Variants in OSBPL3 observed in about 807,000 individuals in gnomAD.
OSBPL3 encodes oxysterol binding protein like 3.
Under a neutral mutation model 120.1 loss-of-function variants are expected in OSBPL3, and 65 were observed. The ratio of observed to expected loss-of-function variants is 0.54; its 90% CI spans 0.44 to 0.67. The LOEUF (loss-of-function observed/expected upper bound fraction) is 0.67. Ranked by LOEUF, OSBPL3 falls within the 30% of genes least tolerant of loss-of-function variation. The pLI, the probability that OSBPL3 is intolerant of heterozygous loss-of-function variation, is 0.00. For synonymous variants in OSBPL3, 416 were observed against 402.6 expected (o/e 1.03, Z -0.40); for missense variants, 1,004 against 1,082.1 (o/e 0.93, Z 1.01).
At chr7:24,814,887 C>A (rs1794279512) in intron 19 of OSBPL3, among the ~76,000 whole-genome samples, 172 bp downstream of exon 19, 1 of 152,182 alleles carries the variant, frequency 6.6e-6, no homozygotes, top group Non-Finnish European at 1.5e-5. Flanking sequence ...CCAGGAGGGG[C>A]CATTGCCCTG....
rs1451354826 is a variant in OSBPL3 at position 24,822,498 on chromosome 7, C to CA, written c.1885-2261dup. Among the ~76,000 whole-genome samples, 1 of 152,140 alleles carries CA rather than the reference C, an allele frequency of 6.6e-6. No homozygotes were observed. On this transcript the variant is annotated intron_variant, in intron 16 of 22. Transcript: ENST00000313367. This position sits in a 1 kb window ranked among gnomAD's most constrained non-coding sequence, Gnocchi z 5.8. ...CTCCCCACTTCTCCACCCCAGCTGG[C>CA]ATGACCCACTATGAAATGGAAGGAA...
upstream of OSBPL3, among the ~76,000 whole-genome samples, chr7:24,980,871 G>A (rs1563037567): frequency 1.3e-5 from 2 of 152,068 alleles, no homozygotes; most frequent in Admixed American, 1.3e-4. Context: ...AAATCTCCCT[G>A]AAAGACGGAA....
Position 24,813,163 on chromosome 7 carries a change from G to A in OSBPL3, c.2172+1896C>T. ...CAAAGTGCTGGGATTACAGGTGTGA[G>A]CCATGGCACCCGGGCTCTTAAGTTT... On this transcript the variant is annotated intron_variant, in intron 19 of 22. Transcript: ENST00000313367. The surrounding 1 kb of genome is among the most constrained non-coding windows in gnomAD (Gnocchi z 4.5). 6.6e-6 allele frequency among the ~76,000 whole-genome samples: 1 copy of A among 152,192 alleles called. No homozygotes were observed. Among genetic ancestry groups the A allele is most frequent in the East Asian group, 1.9e-4 (1 of 5,198 alleles).
chr7:24,872,989 T>C lies in OSBPL3; in HGVS notation c.97-920A>G, dbSNP rs980349261. 1.4e-4 allele frequency among the ~76,000 whole-genome samples: 22 copies of C among 152,192 alleles called. No homozygotes were observed. The highest frequency in any genetic ancestry group is 5.3e-4 in the African/African-American group (22 of 41,438). On this transcript the variant is annotated intron_variant, in intron 2 of 22. Transcript: ENST00000313367. This position sits in a 1 kb window ranked among gnomAD's most constrained non-coding sequence, Gnocchi z 4.1. ...TGGGGTACAATATACATGAAATGCA[T>C]GAATCTTAAGAGTATGCCTTGATAA... is the stretch of plus-strand genomic sequence containing the variant.
At chr7:24,901,747 C>T (rs954370838) in intron 1 of OSBPL3, among the ~76,000 whole-genome samples, 1 of 152,180 alleles carries the variant, frequency 6.6e-6, no homozygotes, top group African/African-American at 2.4e-5. Flanking sequence ...TGACAAGGTG[C>T]TTCTGGGCTG....
chr7:24,976,278 A>G (rs1250909194), intron 1 of OSBPL3, among the ~76,000 whole-genome samples: 3 of 152,238 alleles, frequency 2.0e-5, no homozygotes, highest in Non-Finnish European at 2.9e-5. Context: ...TACTACTGTT[A>G]TTAATGTTAT....
rs1165907188 is a variant in OSBPL3 at position 24,953,001 on chromosome 7, G to A, written c.-150+26885C>T. On this transcript the variant is annotated intron_variant, in intron 1 of 22. Coordinates refer to ENST00000313367, the MANE Select transcript of OSBPL3 (RefSeq NM_015550.4). This position sits in a 1 kb window ranked among gnomAD's most constrained non-coding sequence, Gnocchi z 4.3. Reference sequence around the variant, plus strand: ...AAAATCTAAAAATTAGCCAGGCATGGTGGTGCATGCTTGTAGTCCCACCTA... The same window carrying A: ...AAAATCTAAAAATTAGCCAGGCATGATGGTGCATGCTTGTAGTCCCACCTA... Among the ~76,000 whole-genome samples the A allele has an allele frequency of 1.3e-5, 2 of 152,120 alleles. No homozygotes were observed. Among genetic ancestry groups the A allele is most frequent in the Non-Finnish European group, 2.9e-5 (2 of 68,026 alleles).
At chr7:24,864,001 T>C (rs964243377) in intron 7 of OSBPL3, among the ~76,000 whole-genome samples, 1 of 152,216 alleles carries the variant, frequency 6.6e-6, no homozygotes, top group African/African-American at 2.4e-5. Context: ...ACCATCATCA[T>C]CATCATCATC....
rs970893777 is a variant in OSBPL3 at position 24,849,193 on chromosome 7, T to C, written c.1159-17A>G. 7.0e-6 allele frequency: 11 copies of C among 1,581,370 alleles called. No homozygotes were observed. In the Admixed American group the frequency reaches 8.4e-5, roughly 12 times the overall value. ...TGCTAGGGCCTGGAACATGTTAAAA[T>C]AGTGGGGCTCTGTTAATAAATGGAT... On this transcript the variant is annotated splice_polypyrimidine_tract_variant and intron_variant, in intron 11 of 22. Transcript: ENST00000313367. The surrounding 1 kb of genome is among the most constrained non-coding windows in gnomAD (Gnocchi z 5.4).
At chr7:24,980,634 C>T (rs558466918), upstream of OSBPL3, among the ~76,000 whole-genome samples, 6 of 152,072 alleles carry the variant, frequency 3.9e-5, no homozygotes, top group Admixed American at 1.3e-4. Flanking sequence ...ACTCGACCTC[C>T]CGAGAAAGTC....
At chr7:24,814,960 A>C in intron 19 of OSBPL3, 99 bp downstream of exon 19, 5 of 1,150,438 alleles carry the variant, frequency 4.3e-6, no homozygotes, top group Non-Finnish European at 5.1e-6. Flanking sequence ...TGCTGGCATA[A>C]AGGTGAAGGC....
rs1362013215 is a variant in OSBPL3 at position 24,933,647 on chromosome 7, G to A, written c.-149-41026C>T. On this transcript the variant is annotated intron_variant, in intron 1 of 22. Coordinates refer to ENST00000313367, the MANE Select transcript of OSBPL3 (RefSeq NM_015550.4). This position sits in a 1 kb window ranked among gnomAD's most constrained non-coding sequence, Gnocchi z 5.1. ...TAATTGAGCAAAACTCTAAGCTTGTGTAAAAAAGAAATGTTGCATTTCTAT... is the reference window on the plus strand; with the variant it reads ...TAATTGAGCAAAACTCTAAGCTTGTATAAAAAAGAAATGTTGCATTTCTAT... 6.6e-6 allele frequency among the ~76,000 whole-genome samples: 1 copy of A among 152,158 alleles called. No individual in the cohort carries two copies. The highest frequency in any genetic ancestry group is 2.4e-5 in the African/African-American group (1 of 41,438).
In OSBPL3 at chr7:24,819,426, T is replaced by C. The variant is rs1794849374; in HGVS notation, c.1948+749A>G. ...TAGCAAAGGTGAAGAAAGAAAACCA[T>C]GGTACTTGTCACTTTAAACTGGAAA... On this transcript the variant is annotated intron_variant, in intron 17 of 22. Transcript: ENST00000313367. The surrounding 1 kb of genome is among the most constrained non-coding windows in gnomAD (Gnocchi z 4.1). Among the ~76,000 whole-genome samples, 2 of 152,070 alleles carry C rather than the reference T, an allele frequency of 1.3e-5. No individual in the cohort carries two copies. Among genetic ancestry groups the C allele is most frequent in the Admixed American group, 1.3e-4 (2 of 15,264 alleles).
At position 24,803,296 on chromosome 7, in the gene OSBPL3, A is replaced by T. The variant is rs975040081; in HGVS notation, c.2567+1019T>A. 4.6e-5 allele frequency among the ~76,000 whole-genome samples: 7 copies of T among 152,172 alleles called. No homozygotes were observed. The highest frequency in any genetic ancestry group is 4.4e-5 in the Non-Finnish European group (3 of 68,028). On this transcript the variant is annotated intron_variant, in intron 22 of 22. Transcript: ENST00000313367. The surrounding 1 kb of genome is among the most constrained non-coding windows in gnomAD (Gnocchi z 4.2). ...TCACATACACCTATTTAAGTTTTTT[A>T]AAAAAAGAAAACAGAAAAACTAAAA...
rs995109367 is a variant in OSBPL3, at chr7:24,863,301, C to T, written c.778-9G>A. The stretch of plus-strand genomic sequence containing the variant: ...CTTTCAAAAGATCCACCCTTTGTTT[C>T]AAAACAGGAAAGAGAGCACAGACAG... On this transcript the variant is annotated splice_polypyrimidine_tract_variant and intron_variant, in intron 8 of 22. Coordinates refer to ENST00000313367, the MANE Select transcript of OSBPL3 (RefSeq NM_015550.4). The surrounding 1 kb of genome is among the most constrained non-coding windows in gnomAD (Gnocchi z 5.8). The T allele has an allele frequency of 2.5e-6, 4 of 1,611,060 alleles. No individual in the cohort carries two copies. In the African/African-American group the frequency reaches 4.0e-5, roughly 16 times the overall value.
At position 24,978,979 on chromosome 7, in the gene OSBPL3, C is replaced by T. The variant is rs116843754; in HGVS notation, c.-150+907G>A. On this transcript the variant is annotated intron_variant, in intron 1 of 22. Coordinates refer to ENST00000313367, the MANE Select transcript of OSBPL3 (RefSeq NM_015550.4). Reference sequence around the variant, plus strand: ...CCCTGCTTAAGAAGTATCTGGACGACCTGCGACAGTGCCCATCAGCGACTC... The same window carrying T: ...CCCTGCTTAAGAAGTATCTGGACGATCTGCGACAGTGCCCATCAGCGACTC... 5.4e-3 allele frequency among the ~76,000 whole-genome samples: 816 copies of T among 152,240 alleles called. 6 individuals are homozygous for T. Among genetic ancestry groups the T allele is most frequent in the Non-Finnish European group, 9.1e-3 (621 of 68,004 alleles).
At position 24,867,605 on chromosome 7, in the gene OSBPL3, T is replaced by C. The variant is rs1186074020; in HGVS notation, c.382-1368A>G. On this transcript the variant is annotated intron_variant, in intron 5 of 22. Transcript: ENST00000313367. This position sits in a 1 kb window ranked among gnomAD's most constrained non-coding sequence, Gnocchi z 4.5. ...TGCCTGCCACCATCCACAGATGATG[T>C]CACTTGCTCCTATTTGCCTTCTGCC... Among the ~76,000 whole-genome samples, 1 of 152,198 alleles carries C rather than the reference T, an allele frequency of 6.6e-6. No homozygotes were observed. Among genetic ancestry groups the C allele is most frequent in the Non-Finnish European group, 1.5e-5 (1 of 68,024 alleles).
chr7:24,866,701 G>A (rs796711975), intron 5 of OSBPL3, among the ~76,000 whole-genome samples: 2 of 152,102 alleles, frequency 1.3e-5, no homozygotes, highest in South Asian at 2.1e-4. Context: ...CTCATTGACT[G>A]TTTACATTGA....
rs1047694221 is a variant in OSBPL3 at position 24,838,501 on chromosome 7, A to T, written c.1495+2189T>A. Among the ~76,000 whole-genome samples the T allele has an allele frequency of 1.1e-4, 17 of 152,184 alleles. No homozygotes were observed. In the East Asian group the frequency reaches 3.3e-3, roughly 29 times the overall value. ...ACAGAGTGAGACCCTGTCTTCATAC[A>T]CAAAAAAGGGCAATGTTAGTTAGCA... is the stretch of plus-strand genomic sequence containing the variant. On this transcript the variant is annotated intron_variant, in intron 14 of 22. Transcript: ENST00000313367.
Sources: gnomAD v4.1 joint callset for allele counts (sites outside exome capture counted in the v4.1 genomes callset) on GRCh38, gnomAD v4.1.1 for gene constraint, Gnocchi (gnomAD v3.1) non-coding constraint, MANE v1.5 for transcripts, NCBI Gene and HGNC (gene_info 2026-07-23, HGNC 2026-07-21) for gene names.